The following UBTF variants were observed in gnomAD, a reference collection of about 807,000 sequenced individuals.
The protein encoded by UBTF is nucleolar transcription factor 1.
In UBTF, 8 loss-of-function variants were observed where a neutral mutation model predicts 112.3. The observed-to-expected ratio is 0.07, with a 90% CI of 0.04 to 0.13. UBTF has a LOEUF of 0.13. Ranked by LOEUF, UBTF falls within the 10% of genes least tolerant of loss-of-function variation. The probability of loss-of-function intolerance (pLI) is 1.00; values close to 1 mark genes in which losing one functional copy is unlikely to be tolerated. For missense variants in UBTF, 457 were observed against 982.1 expected (o/e 0.47, Z 7.15); for synonymous variants, 417 against 373.1 (o/e 1.12, Z -1.36).
At chr17:44,210,553 C>A (rs927469384) in intron 13 of UBTF, 80 bp from the exon 14 acceptor site, 3 of 1,459,106 alleles carry the variant, frequency 2.1e-6, no homozygotes, top group Middle Eastern at 2.5e-4. Context: ...CAGGCGCTCC[C>A]GCCGGCGGGC....
chr17:44,220,135 G>A (rs993419201), upstream of UBTF, among the ~76,000 whole-genome samples: 16 of 150,966 alleles, frequency 1.1e-4, no homozygotes, highest in Non-Finnish European at 2.4e-4. Context: ...GATGGCGGCG[G>A]GGCTCGGAGC....
intron 5 of UBTF, 169 bp from the exon 6 acceptor site, chr17:44,213,451 C>A: frequency 1.6e-6 from 1 of 643,124 alleles, no homozygotes; most frequent in South Asian, 2.3e-5. Flanking sequence ...ACAGAGCAGA[C>A]CTGCTGGCTT....
rs759509205 is a variant in UBTF, at chr17:44,215,819, G to A, written c.319-10C>T. On this transcript the variant is annotated splice_polypyrimidine_tract_variant and intron_variant, in intron 4 of 20. Coordinates refer to ENST00000436088, the MANE Select transcript of UBTF (RefSeq NM_014233.4). ...GGAAGTCTGGGTGTTTCTGGAAGAA[G>A]GGACAAGGACACAATGGAGGTCAAA... 5.4e-5 allele frequency: 87 copies of A among 1,614,004 alleles called. No individual in the cohort carries two copies. The highest frequency in any genetic ancestry group is 1.2e-4 in the South Asian group (11 of 91,066).
intron 17 of UBTF, 44 bp from the exon 18 acceptor site, chr17:44,207,955 C>T (rs1183149499): frequency 1.2e-6 from 2 of 1,613,034 alleles, no homozygotes; most frequent in Non-Finnish European, 1.7e-6. Context: ...TAGCCAACTA[C>T]TGCTGACTGA....
chr17:44,210,993 C>T (rs1241794677), intron 12 of UBTF, 46 bp from the exon 13 acceptor site: 2 of 1,600,082 alleles, frequency 1.2e-6, no homozygotes, highest in East Asian at 2.2e-5. Context: ...TGCCAGGGAG[C>T]CCAGTCTTGC....
In UBTF at chr17:44,205,585, CAG is replaced by C. The variant is rs2056199968; in HGVS notation, c.*1655_*1656del. The C allele has an allele frequency of 6.6e-6, 1 of 152,182 alleles. No individual in the cohort carries two copies. Among genetic ancestry groups the C allele is most frequent in the Non-Finnish European group, 1.5e-5 (1 of 68,066 alleles). The allele number at this position is 152,182 out of a possible 1,614,324, so 9.4% of individuals were successfully genotyped here. On this transcript the variant is annotated 3_prime_UTR_variant, in exon 21 of 21. Coordinates refer to ENST00000436088, the MANE Select transcript of UBTF (RefSeq NM_014233.4). ...CCCAGCACCAAGGTCCAAGGCAAAG[CAG>C]AGACTGTCTGCCTTCCTTTGGGAGA...
Position 44,211,158 on chromosome 17 carries a change from C to A in UBTF, c.1090-6G>T, listed in dbSNP as rs369992038. On this transcript the variant is annotated splice_polypyrimidine_tract_variant and splice_region_variant and intron_variant, in intron 11 of 20. Transcript: ENST00000436088. The surrounding 1 kb of genome is among the most constrained non-coding windows in gnomAD (Gnocchi z 4.9). ...TGCTCCTCCTCAGGCAGGCTCTGGACAGGAAAGAGGAGCACGGGGCTGCAT... is the reference window on the plus strand; with the variant it reads ...TGCTCCTCCTCAGGCAGGCTCTGGAAAGGAAAGAGGAGCACGGGGCTGCAT... The A allele has an allele frequency of 1.2e-6, 2 of 1,613,094 alleles. No individual in the cohort carries two copies. The highest frequency in any genetic ancestry group is 1.7e-6 in the Non-Finnish European group (2 of 1,179,894).
At chr17:44,219,714 C>A, upstream of UBTF, 1 of 153,596 alleles carries the variant, frequency 6.5e-6, no homozygotes, top group Non-Finnish European at 1.5e-5. Context: ...GCCCGCCCGC[C>A]GCCGGCCCCG....
At chr17:44,216,760 T>C in intron 2 of UBTF, 56 bp from the exon 3 acceptor site, 2 of 1,575,288 alleles carry the variant, frequency 1.3e-6, no homozygotes, top group Non-Finnish European at 1.7e-6. Flanking sequence ...CCCCGATCTG[T>C]TCCCCAGTTC....
chr17:44,212,786 T>C (rs1365663960), intron 7 of UBTF, 33 bp downstream of exon 7: 3 of 1,611,934 alleles, frequency 1.9e-6, no homozygotes, highest in South Asian at 1.1e-5. Context: ...CCGCCGTGCA[T>C]CCTCCACCCC....
Position 44,213,224 on chromosome 17 carries a change from C to T in UBTF, c.533G>A (p.Arg178Gln), listed in dbSNP as rs2046668375. Reference protein sequence around the residue: ...EKQEFERNLARFREDHPDLIQ... With the variant: ...EKQEFERNLAQFREDHPDLIQ... The stretch of plus-strand genomic sequence containing the variant: ...CTGGGCTCCACTGCCTTACCTGAAT[C>T]GGGCCAGGTTTCGCTCGAACTCCTG... Residue 178 changes from arginine (R) to glutamine (Q), a missense_variant, in exon 6 of 21, where the codon CGA (arginine) becomes CAA (glutamine). Coordinates refer to ENST00000436088, the MANE Select transcript of UBTF (RefSeq NM_014233.4). 4.3e-6 allele frequency: 7 copies of T among 1,613,724 alleles called. No homozygotes were observed. Among genetic ancestry groups the T allele is most frequent in the Non-Finnish European group, 5.1e-6 (6 of 1,179,788 alleles).
chr17:44,217,251 C>T (rs1208666134), intron 2 of UBTF, among the ~76,000 whole-genome samples: 1 of 152,164 alleles, frequency 6.6e-6, no homozygotes, highest in Non-Finnish European at 1.5e-5. Flanking sequence ...ACCCCCTAGC[C>T]CCTTAAAGCA....
chr17:44,210,041 TG>T, intron 15 of UBTF, 82 bp downstream of exon 15: 1 of 1,394,480 alleles, frequency 7.2e-7, no homozygotes, highest in Non-Finnish European at 1.0e-6. Flanking sequence ...AGACCAAGGC[TG>T]GGACTTCTTG....
Position 44,207,658 on chromosome 17 carries a change from C to T in UBTF, c.2025+41G>A. 3 of 1,614,036 alleles carry T rather than the reference C, an allele frequency of 1.9e-6. No homozygotes were observed. The South Asian group carries it at 3.3e-5, about 18-fold the overall frequency. ...CTCTGCCCAACCATTCCAGGCAGTG[C>T]CCCCCGCCCCACGCCCCTGCATCTG... is the stretch of plus-strand genomic sequence containing the variant. On this transcript the variant is annotated intron_variant, in intron 19 of 20. Transcript: ENST00000436088.
At chr17:44,219,887 C>T (rs889124165), upstream of UBTF, 1 of 150,862 alleles carries the variant, frequency 6.6e-6, no homozygotes, top group African/African-American at 2.4e-5. Context: ...GAGCGAGCGC[C>T]AGCCCGCCCG....
Position 44,206,237 on chromosome 17 carries a change from A to C in UBTF, c.*1005T>G, listed in dbSNP as rs957887343. ...GCAGAGGGAGCCTGGTCTGGGAAGCATCCGAGAATGGCTTCAGCACACTCC... is the reference window on the plus strand; with the variant it reads ...GCAGAGGGAGCCTGGTCTGGGAAGCCTCCGAGAATGGCTTCAGCACACTCC... On this transcript the variant is annotated 3_prime_UTR_variant, in exon 21 of 21. Coordinates refer to ENST00000436088, the MANE Select transcript of UBTF (RefSeq NM_014233.4). 2.0e-5 allele frequency: 3 copies of C among 152,094 alleles called. No homozygotes were observed. Among genetic ancestry groups the C allele is most frequent in the African/African-American group, 7.3e-5 (3 of 41,374 alleles). 9.4% of individuals were successfully genotyped at this position (152,094 alleles called of 1,614,324 possible).
chr17:44,207,182 G>A lies in UBTF; in HGVS notation c.*60C>T. On this transcript the variant is annotated 3_prime_UTR_variant, in exon 21 of 21. Coordinates refer to ENST00000436088, the MANE Select transcript of UBTF (RefSeq NM_014233.4). The stretch of plus-strand genomic sequence containing the variant: ...CAGAACATGGGGGAGAAACAAAGGT[G>A]GTCAGTTGGGGAGGGGAGCTCCTGG... 6.3e-7 allele frequency: 1 copy of A among 1,591,232 alleles called. No individual in the cohort carries two copies. Among genetic ancestry groups the A allele is most frequent in the Middle Eastern group, 1.7e-4 (1 of 5,838 alleles).
intron 5 of UBTF, chr17:44,215,247 C>G (rs2046789015): frequency 5.8e-6 from 1 of 172,444 alleles, no homozygotes; most frequent in Admixed American, 5.7e-5. Context: ...GCCCACAAAA[C>G]TGGGATAACC....
chr17:44,210,054 T>G (rs1251959606), intron 15 of UBTF, 70 bp downstream of exon 15: 1 of 1,523,242 alleles, frequency 6.6e-7, no homozygotes, highest in Non-Finnish European at 9.1e-7. Context: ...GACTTCTTGC[T>G]CAGAGCTGCC....
Sources: allele counts gnomAD v4.1 joint callset (sites outside exome capture counted in the v4.1 genomes callset), GRCh38; gene constraint gnomAD v4.1.1; non-coding constraint Gnocchi (gnomAD v3.1); transcripts MANE v1.5; gene names NCBI Gene and HGNC (gene_info 2026-07-23, HGNC 2026-07-21).